The following CACNA2D1 variants were observed in gnomAD, a reference collection of about 807,000 sequenced individuals.
CACNA2D1 encodes calcium voltage-gated channel auxiliary subunit alpha2delta 1.
Under a neutral mutation model 171.5 loss-of-function variants are expected in CACNA2D1, and 53 were observed. That is an observed-to-expected ratio of 0.31 (90% CI 0.25 to 0.39). CACNA2D1 has a LOEUF of 0.39. CACNA2D1 is among the 10% of genes least tolerant of loss of function. The pLI, the probability that CACNA2D1 is intolerant of heterozygous loss-of-function variation, is 1.00. For synonymous variants in CACNA2D1, 442 were observed against 443.1 expected, an observed-to-expected ratio of 1.00 and a Z score of 0.03; for missense variants, 903 against 1,299.8, an observed-to-expected ratio of 0.69 and a Z score of 4.69.
chr7:81,960,949 A>G (rs1456016929), intron 36 of CACNA2D1, among the ~76,000 whole-genome samples: 1 of 151,706 alleles, frequency 6.6e-6, no homozygotes, highest in Non-Finnish European at 1.5e-5. Flanking sequence ...CTCCTTGGAG[A>G]TAGAGGTCTG....
chr7:81,957,263 T>C (rs1584163042), intron 38 of CACNA2D1, among the ~76,000 whole-genome samples: 1 of 152,042 alleles, frequency 6.6e-6, no homozygotes, highest in East Asian at 1.9e-4. Flanking sequence ...TTTACATAAA[T>C]ATTGAATATG....
At chr7:82,210,716 C>G (rs949450384) in intron 3 of CACNA2D1, among the ~76,000 whole-genome samples, 1 of 152,188 alleles carries the variant, frequency 6.6e-6, no homozygotes, top group Non-Finnish European at 1.5e-5. Context: ...TAATTTCTCT[C>G]TGTTCCTAGG....
At chr7:82,036,012 A>G (rs1803251984) in intron 11 of CACNA2D1, among the ~76,000 whole-genome samples, 1 of 152,170 alleles carries the variant, frequency 6.6e-6, no homozygotes, top group African/African-American at 2.4e-5. Flanking sequence ...CTATTAAATA[A>G]CATGACCTCA....
At chr7:81,964,159 A>G in intron 33 of CACNA2D1, 48 bp downstream of exon 33, 1 of 1,608,188 alleles carries the variant, frequency 6.2e-7, no homozygotes, top group Non-Finnish European at 8.5e-7. Context: ...GATACTGAGG[A>G]CACTTGAGTA....
intron 2 of CACNA2D1, among the ~76,000 whole-genome samples, chr7:82,337,066 A>G: frequency 6.6e-6 from 1 of 152,142 alleles, no homozygotes; most frequent in Non-Finnish European, 1.5e-5. Context: ...ATCAGCAGAA[A>G]CTATTTCAAG....
chr7:82,101,510 T>C (rs1391114393), intron 6 of CACNA2D1, among the ~76,000 whole-genome samples: 4 of 152,166 alleles, frequency 2.6e-5, no homozygotes, highest in African/African-American at 9.7e-5. Flanking sequence ...TATTTTAAAG[T>C]ATACTTTATT....
intron 3 of CACNA2D1, among the ~76,000 whole-genome samples, chr7:82,206,694 A>G (rs1800032493): frequency 6.6e-6 from 1 of 152,140 alleles, no homozygotes; most frequent in African/African-American, 2.4e-5. Flanking sequence ...GTAAAATATA[A>G]TAGCAGGATC....
intron 1 of CACNA2D1, among the ~76,000 whole-genome samples, chr7:82,361,331 T>C (rs567417076): frequency 2.5e-4 from 38 of 152,186 alleles, no homozygotes; most frequent in Admixed American, 3.9e-4. Context: ...GAGAATTGTG[T>C]TTAAAAATAA....
chr7:82,326,263 G>A (rs1430691150), intron 3 of CACNA2D1, among the ~76,000 whole-genome samples: 1 of 152,180 alleles, frequency 6.6e-6, no homozygotes, highest in Non-Finnish European at 1.5e-5. Flanking sequence ...CCAAGAATAT[G>A]CCATAGACAC....
intron 3 of CACNA2D1, among the ~76,000 whole-genome samples, chr7:82,332,522 G>GAA (rs1554514819): frequency 1.2e-5 from 1 of 83,482 alleles, no homozygotes; most frequent in African/African-American, 4.6e-5. Context: ...AAGAAAGAAA[G>GAA]AAAGAAAGAA....
intron 9 of CACNA2D1, 124 bp from the exon 10 acceptor site, chr7:82,060,651 C>T (rs1219630305): frequency 3.3e-5 from 18 of 546,320 alleles, no homozygotes; most frequent in Admixed American, 7.0e-5. Flanking sequence ...AATAATTTTG[C>T]CCTTGAAAAT....
intron 11 of CACNA2D1, 149 bp downstream of exon 11, chr7:82,037,928 A>G: frequency 1.5e-6 from 1 of 681,328 alleles, no homozygotes; most frequent in Admixed American, 2.8e-5. Flanking sequence ...AAAATAGTTC[A>G]AAGGTTTCTT....
At chr7:81,971,937 A>G (rs1584239719) in intron 25 of CACNA2D1, 73 bp from the exon 26 acceptor site, 1 of 977,960 alleles carries the variant, frequency 1.0e-6, no homozygotes. Context: ...TATATTTTCT[A>G]TTTCCAAAAG....
chr7:82,277,097 T>TC (rs1387817071), intron 3 of CACNA2D1, among the ~76,000 whole-genome samples: 2 of 152,136 alleles, frequency 1.3e-5, no homozygotes, highest in African/African-American at 4.8e-5. Flanking sequence ...TAGAGATCGT[T>TC]CAAAACGCTA....
intron 2 of CACNA2D1, among the ~76,000 whole-genome samples, chr7:82,341,477 G>A (rs1401258708): frequency 6.6e-6 from 1 of 152,060 alleles, no homozygotes; most frequent in Non-Finnish European, 1.5e-5. Flanking sequence ...AATGAATTTT[G>A]CCATAAAAAT....
At chr7:82,366,467 G>A (rs980560097) in intron 1 of CACNA2D1, among the ~76,000 whole-genome samples, 1 of 152,176 alleles carries the variant, frequency 6.6e-6, no homozygotes, top group Non-Finnish European at 1.5e-5. Flanking sequence ...ATCAGTGAAA[G>A]GATGTGGTAT....
intron 3 of CACNA2D1, among the ~76,000 whole-genome samples, chr7:82,250,107 C>G (rs78792745): frequency 0.016 from 2,390 of 152,260 alleles, 38 homozygotes; most frequent in Middle Eastern, 0.071. Context: ...TGTAATAACC[C>G]ACTCCCATGA....
chr7:82,229,352 G>T (rs1802667620), intron 3 of CACNA2D1, among the ~76,000 whole-genome samples: 1 of 152,080 alleles, frequency 6.6e-6, no homozygotes, highest in Non-Finnish European at 1.5e-5. Flanking sequence ...ACTCTAATGA[G>T]ACTGAAGATA....
intron 7 of CACNA2D1, among the ~76,000 whole-genome samples, chr7:82,074,992 C>T (rs1252238056): frequency 1.3e-5 from 2 of 152,122 alleles, no homozygotes; most frequent in African/African-American, 2.4e-5. Flanking sequence ...AGGTATTTTT[C>T]CTCATGCTAT....
Sources: allele counts gnomAD v4.1 joint callset (sites outside exome capture counted in the v4.1 genomes callset), GRCh38; gene constraint gnomAD v4.1.1; transcripts MANE v1.5; gene names NCBI Gene and HGNC (gene_info 2026-07-23, HGNC 2026-07-21).